The following ARFIP1 variants were observed in gnomAD, a reference collection of about 807,000 sequenced individuals.
ARFIP1 encodes arfaptin-1.
ARFIP1 carries 24 observed loss-of-function variants against 42.5 expected under a neutral mutation model. That is an observed-to-expected ratio of 0.57 (90% CI 0.41 to 0.80). The LOEUF (loss-of-function observed/expected upper bound fraction) is 0.80. Among genes scored for constraint, ARFIP1 ranks in the 30% least tolerant of loss-of-function variants. The pLI, the probability that ARFIP1 is intolerant of heterozygous loss-of-function variation, is 0.00. For synonymous variants in ARFIP1, 141 were observed against 153.7 expected (o/e 0.92, Z 0.61); for missense variants, 354 against 434.0 (o/e 0.82, Z 1.64).
intron 8 of ARFIP1, among the ~76,000 whole-genome samples, chr4:152,890,641 T>C (rs1210288920): frequency 6.6e-6 from 1 of 152,104 alleles, no homozygotes; most frequent in East Asian, 1.9e-4. Flanking sequence ...GAAGCTGGTG[T>C]GGCCTGAACG....
chr4:152,888,720 C>T (rs535474414), intron 8 of ARFIP1, among the ~76,000 whole-genome samples: 3 of 152,170 alleles, frequency 2.0e-5, no homozygotes, highest in African/African-American at 4.8e-5. Context: ...CTAAAAGGTC[C>T]AGCTTAGGGC....
intron 1 of ARFIP1, among the ~76,000 whole-genome samples, chr4:152,823,143 A>G (rs1244011777): frequency 2.6e-5 from 4 of 152,194 alleles, no homozygotes; most frequent in African/African-American, 4.8e-5. Flanking sequence ...CTGATAAACT[A>G]CTCGCTAGAT....
At chr4:152,787,069 A>C (rs1371292600) in intron 1 of ARFIP1, among the ~76,000 whole-genome samples, 1 of 152,132 alleles carries the variant, frequency 6.6e-6, no homozygotes, top group Admixed American at 6.5e-5. Flanking sequence ...TGGCCTATAA[A>C]CTTCATGAAG....
intron 8 of ARFIP1, among the ~76,000 whole-genome samples, chr4:152,908,891 A>AGTGTGTGTGTGTGTGTGTGT (rs58362465): frequency 7.5e-6 from 1 of 132,464 alleles, no homozygotes; most frequent in African/African-American, 2.9e-5. Context: ...GCTAGAGAGA[A>AGTGTGTGTGTGTGTGTGTGT]GTGTGTGTGT....
At chr4:152,796,531 T>C (rs975278539) in intron 1 of ARFIP1, 18 of 769,490 alleles carry the variant, frequency 2.3e-5, no homozygotes, top group Middle Eastern at 2.9e-4. Flanking sequence ...TTAATCATAT[T>C]GGAAAGTACT....
At chr4:152,815,023 C>G (rs183134077) in intron 1 of ARFIP1, among the ~76,000 whole-genome samples, 15 of 152,244 alleles carry the variant, frequency 9.9e-5, no homozygotes, top group African/African-American at 3.4e-4. Flanking sequence ...GAAGCAGGAA[C>G]CTGTGTTCTT....
chr4:152,802,229 C>A (rs1728480186), intron 1 of ARFIP1, among the ~76,000 whole-genome samples: 1 of 152,164 alleles, frequency 6.6e-6, no homozygotes, highest in African/African-American at 2.4e-5. Flanking sequence ...AAAATATGAT[C>A]TCTCTTGAGA....
At chr4:152,788,173 A>C (rs1730921767) in intron 1 of ARFIP1, among the ~76,000 whole-genome samples, 1 of 152,246 alleles carries the variant, frequency 6.6e-6, no homozygotes, top group Non-Finnish European at 1.5e-5. Flanking sequence ...CAGAGGTTGC[A>C]GTGAGCCGAG....
intron 1 of ARFIP1, among the ~76,000 whole-genome samples, chr4:152,804,089 C>CATGT (rs376004673): frequency 1.3e-5 from 1 of 78,172 alleles, no homozygotes; most frequent in African/African-American, 4.7e-5. Context: ...TATAATATAA[C>CATGT]GTAATATATA....
intron 1 of ARFIP1, among the ~76,000 whole-genome samples, chr4:152,825,070 A>G (rs1045944241): frequency 2.0e-5 from 3 of 152,170 alleles, no homozygotes; most frequent in Non-Finnish European, 4.4e-5. Flanking sequence ...GCTGAAAGAA[A>G]TAATAGATGA....
intron 2 of ARFIP1, among the ~76,000 whole-genome samples, chr4:152,844,004 C>G (rs979096963): frequency 1.3e-5 from 2 of 152,176 alleles, no homozygotes; most frequent in East Asian, 1.9e-4. Context: ...AGTTTTACCC[C>G]CTGCTCCTCT....
chr4:152,883,028 T>C, intron 7 of ARFIP1, 148 bp downstream of exon 7: 1 of 794,312 alleles, frequency 1.3e-6, no homozygotes, highest in Non-Finnish European at 1.9e-6. Context: ...TCTACAGACC[T>C]GGCAGAAAGG....
At chr4:152,846,071 C>T (rs1732513315) in intron 2 of ARFIP1, among the ~76,000 whole-genome samples, 1 of 152,118 alleles carries the variant, frequency 6.6e-6, no homozygotes, top group South Asian at 2.1e-4. Context: ...AGGCCATCCA[C>T]CTGTTTTTGT....
intron 8 of ARFIP1, among the ~76,000 whole-genome samples, chr4:152,907,997 G>T (rs946094451): frequency 1.3e-5 from 2 of 152,076 alleles, no homozygotes; most frequent in African/African-American, 4.8e-5. Context: ...TTATACACCC[G>T]TCAATAGTAT....
At position 152,808,283 on chromosome 4, in the gene ARFIP1, A is replaced by ATTTTTTTTTTTTTT. The variant is rs61135783; in HGVS notation, c.-9-21321_-9-21308dup. ...GTGTGAGCCACCACGCCTGGCCTCC[A>ATTTTTTTTTTTTTT]TTTTTTTTTTTTTTTTTTTTTTTTT... On this transcript the variant is annotated intron_variant, in intron 1 of 8. Coordinates refer to ENST00000353617, the MANE Select transcript of ARFIP1 (RefSeq NM_001025595.3). Among the ~76,000 whole-genome samples, 97 of 20,284 alleles carry ATTTTTTTTTTTTTT rather than the reference A, an allele frequency of 4.8e-3. 12 individuals are homozygous for ATTTTTTTTTTTTTT. The highest frequency in any genetic ancestry group is 8.5e-3 in the Admixed American group (13 of 1,528). The allele number at this position is 20,284 out of a possible 152,430, so 13.3% of individuals were successfully genotyped here.
At chr4:152,862,901 C>T (rs1000487103) in intron 2 of ARFIP1, among the ~76,000 whole-genome samples, 10 of 151,970 alleles carry the variant, frequency 6.6e-5, no homozygotes, top group Non-Finnish European at 1.3e-4. Flanking sequence ...TTACTTAAGC[C>T]CTGAGATTTA....
chr4:152,893,730 A>G (rs1157164844), intron 8 of ARFIP1, among the ~76,000 whole-genome samples: 1 of 152,194 alleles, frequency 6.6e-6, no homozygotes, highest in Non-Finnish European at 1.5e-5. Context: ...GACTTAAAGG[A>G]TGACAGAGGA....
chr4:152,809,483 G>T (rs150946267), intron 1 of ARFIP1, among the ~76,000 whole-genome samples: 1 of 152,182 alleles, frequency 6.6e-6, no homozygotes, highest in Non-Finnish European at 1.5e-5. Flanking sequence ...TATGATCTCC[G>T]TGGAGAGGCA....
intron 1 of ARFIP1, among the ~76,000 whole-genome samples, chr4:152,803,615 C>T (rs916937668): frequency 1.3e-5 from 2 of 152,028 alleles, no homozygotes; most frequent in Non-Finnish European, 2.9e-5. Flanking sequence ...ATAACATGTG[C>T]ATATTTTTGG....
Sources: gnomAD v4.1 joint callset for allele counts (sites outside exome capture counted in the v4.1 genomes callset) on GRCh38, gnomAD v4.1.1 for gene constraint, MANE v1.5 for transcripts, NCBI Gene and HGNC (gene_info 2026-07-23, HGNC 2026-07-21) for gene names.